SERPINI2: variants seen among roughly 807,000 people sequenced by gnomAD.
SERPINI2 encodes the protein serpin family I member 2, also known as serpin I2.
A neutral mutation model predicts 47.3 loss-of-function variants in SERPINI2; 48 were observed. The ratio of observed to expected loss-of-function variants is 1.02; its 90% CI spans 0.81 to 1.29. SERPINI2 has a LOEUF of 1.29. SERPINI2 is among the 50% of genes most tolerant of loss of function. The probability of loss-of-function intolerance (pLI) is 0.00; values close to 1 mark genes in which losing one functional copy is unlikely to be tolerated. For synonymous variants in SERPINI2, 135 were observed against 149.3 expected, an observed-to-expected ratio of 0.90 and a Z score of 0.70; for missense variants, 448 against 456.9, an observed-to-expected ratio of 0.98 and a Z score of 0.18.
intron 8 of SERPINI2, among the ~76,000 whole-genome samples, chr3:167,443,618 G>A (rs1031634294): frequency 1.3e-5 from 2 of 151,926 alleles, no homozygotes; most frequent in African/African-American, 4.8e-5. Flanking sequence ...TAATGCTATG[G>A]CATTAAAATG....
At chr3:167,449,182 C>CT in intron 7 of SERPINI2, 134 bp downstream of exon 7, 1 of 664,854 alleles carries the variant, frequency 1.5e-6, no homozygotes, top group Non-Finnish European at 2.6e-6. Context: ...CAACCATTTC[C>CT]TTTTTTTCCT....
intron 5 of SERPINI2, among the ~76,000 whole-genome samples, chr3:167,464,745 A>G (rs943316784): frequency 6.6e-6 from 1 of 152,158 alleles, no homozygotes; most frequent in South Asian, 2.1e-4. Flanking sequence ...CTAACTACCT[A>G]AAATTGACTA....
intron 2 of SERPINI2, among the ~76,000 whole-genome samples, chr3:167,468,589 T>C (rs1408879585): frequency 6.6e-6 from 1 of 152,162 alleles, no homozygotes; most frequent in Non-Finnish European, 1.5e-5. Context: ...GGTATATAGA[T>C]ACAGGTATAA....
chr3:167,457,633 C>T lies in SERPINI2; in HGVS notation c.867-4600G>A, dbSNP rs4955673. ...CACTACTCAGTTTAAAGCAACAAAT[C>T]CTCATTGAATAGCTACTATTTTTTA... On this transcript the variant is annotated intron_variant, in intron 5 of 8. Transcript: ENST00000264677. Among the ~76,000 whole-genome samples the T allele has an allele frequency of 2.4e-4, 36 of 152,126 alleles. 1 individual carries two copies. Among genetic ancestry groups the T allele is most frequent in the African/African-American group, 8.4e-4 (35 of 41,482 alleles).
intron 1 of SERPINI2, 143 bp downstream of exon 1, chr3:167,473,860 A>G: frequency 7.9e-7 from 1 of 1,273,078 alleles, no homozygotes; most frequent in Non-Finnish European, 1.0e-6. Context: ...AAGGAGAATA[A>G]AAGCGATATG....
intron 6 of SERPINI2, among the ~76,000 whole-genome samples, chr3:167,451,537 C>G (rs1749640495): frequency 6.6e-6 from 1 of 152,170 alleles, no homozygotes; most frequent in Admixed American, 6.5e-5. Flanking sequence ...GGCAATAAGA[C>G]GGAACCAAAA....
intron 5 of SERPINI2, among the ~76,000 whole-genome samples, chr3:167,458,329 C>A (rs1749865629): frequency 1.4e-5 from 2 of 147,700 alleles, no homozygotes; most frequent in Non-Finnish European, 3.0e-5. Context: ...GGGCTCTCTG[C>A]AAGCTCCGCC....
At chr3:167,475,728 T>A (rs57579138), upstream of SERPINI2, among the ~76,000 whole-genome samples, 1 of 145,664 alleles carries the variant, frequency 6.9e-6, no homozygotes, top group Admixed American at 6.9e-5. Flanking sequence ...AAAATCGGGG[T>A]GGGGGGAGAA....
chr3:167,458,245 C>CTTTTTTTTTT (rs949215365), intron 5 of SERPINI2, among the ~76,000 whole-genome samples: 1 of 105,216 alleles, frequency 9.5e-6, no homozygotes, highest in Non-Finnish European at 1.9e-5. Context: ...GAATTTCTTT[C>CTTTTTTTTTT]TTTTTTTTTT....
intron 5 of SERPINI2, among the ~76,000 whole-genome samples, chr3:167,459,219 C>T (rs967791548): frequency 3.3e-5 from 5 of 150,986 alleles, no homozygotes; most frequent in Admixed American, 1.3e-4. Flanking sequence ...GGACTACAGG[C>T]GCCCGCCACT....
chr3:167,475,755 G>C (rs1472428789), upstream of SERPINI2, among the ~76,000 whole-genome samples: 1 of 150,726 alleles, frequency 6.6e-6, no homozygotes, highest in African/African-American at 2.4e-5. Flanking sequence ...ATTAATGAGA[G>C]CCAACGTGTC....
chr3:167,467,771 A>G (rs1199965093), intron 2 of SERPINI2, among the ~76,000 whole-genome samples: 1 of 152,156 alleles, frequency 6.6e-6, no homozygotes, highest in Admixed American at 6.5e-5. Context: ...CTGCACCTGT[A>G]CAGGTTTTAA....
At chr3:167,466,276 C>A (rs950855477) in intron 3 of SERPINI2, among the ~76,000 whole-genome samples, 2 of 152,116 alleles carry the variant, frequency 1.3e-5, no homozygotes, top group African/African-American at 4.8e-5. Flanking sequence ...CATGGCTCAC[C>A]ACGCTTATCT....
At chr3:167,452,196 C>G (rs1274967869) in intron 6 of SERPINI2, among the ~76,000 whole-genome samples, 1 of 152,184 alleles carries the variant, frequency 6.6e-6, no homozygotes. Flanking sequence ...ATCAGACAGA[C>G]AAGCTTAGGC....
intron 2 of SERPINI2, among the ~76,000 whole-genome samples, chr3:167,470,658 T>A (rs1402635434): frequency 1.4e-5 from 2 of 147,988 alleles, no homozygotes; most frequent in Admixed American, 6.9e-5. Flanking sequence ...GCCTCTTGGG[T>A]TCAAGCACTT....
At chr3:167,447,918 C>T (rs1157921975) in intron 7 of SERPINI2, among the ~76,000 whole-genome samples, 1 of 152,136 alleles carries the variant, frequency 6.6e-6, no homozygotes, top group African/African-American at 2.4e-5. Flanking sequence ...ATCCAGATGT[C>T]AAAATCCATT....
chr3:167,466,060 T>C (rs900003278), intron 3 of SERPINI2, among the ~76,000 whole-genome samples: 13 of 152,210 alleles, frequency 8.5e-5, no homozygotes, highest in East Asian at 5.8e-4. Context: ...AGTAAGTTAA[T>C]GGTACACCCA....
At chr3:167,456,067 T>C (rs1029428234) in intron 5 of SERPINI2, among the ~76,000 whole-genome samples, 1 of 151,592 alleles carries the variant, frequency 6.6e-6, no homozygotes, top group Non-Finnish European at 1.5e-5. Context: ...AGGAGAAAAA[T>C]ACAACACAAT....
upstream of SERPINI2, among the ~76,000 whole-genome samples, chr3:167,475,333 C>T (rs1336739988): frequency 6.6e-6 from 1 of 151,766 alleles, no homozygotes; most frequent in African/African-American, 2.4e-5. Flanking sequence ...CAATGCTTTT[C>T]TACCCATTTA....
Sources: gnomAD v4.1 joint callset for allele counts (sites outside exome capture counted in the v4.1 genomes callset) on GRCh38, gnomAD v4.1.1 for gene constraint, MANE v1.5 for transcripts, NCBI Gene and HGNC (gene_info 2026-07-23, HGNC 2026-07-21) for gene names.